PPP2R1B: variants seen among roughly 807,000 people sequenced by gnomAD.
The protein encoded by PPP2R1B is serine/threonine-protein phosphatase 2A 65 kDa regulatory subunit A beta isoform.
A neutral mutation model predicts 72.7 loss-of-function variants in PPP2R1B; 58 were observed. The observed-to-expected ratio is 0.80, with a 90% confidence interval of 0.65 to 0.99. The LOEUF (loss-of-function observed/expected upper bound fraction) is 0.99, where lower values mean the gene tolerates loss of function less well. Ranked by LOEUF, PPP2R1B falls within the 50% of genes least tolerant of loss-of-function variation. PPP2R1B has a pLI of 0.00. For missense variants in PPP2R1B, 695 were observed against 733.6 expected, an observed-to-expected ratio of 0.95 and a Z score of 0.61; for synonymous variants, 256 against 264.6, an observed-to-expected ratio of 0.97 and a Z score of 0.32.
chr11:111,756,127 G>A (rs1047808622), intron 5 of PPP2R1B, among the ~76,000 whole-genome samples: 4 of 151,668 alleles, frequency 2.6e-5, no homozygotes, highest in South Asian at 2.1e-4. Context: ...GGCGAATGGC[G>A]TGAACCCAGC....
the PPP2R1B span, chr11:111,703,482 C>G: frequency 2.7e-6 from 4 of 1,471,638 alleles, no homozygotes; most frequent in African/African-American, 2.8e-5. Context: ...ATTTCATGCT[C>G]ACACCTGTCA....
chr11:111,701,392 G>T, the PPP2R1B span: 1 of 1,569,844 alleles, frequency 6.4e-7, no homozygotes. The surrounding 1 kb of genome is among the most constrained non-coding windows in gnomAD (Gnocchi z 4.2). Flanking sequence ...GGATGTTCAG[G>T]AAAACAAAGA....
At chr11:111,754,060 G>A (rs1555048794) in intron 8 of PPP2R1B, among the ~76,000 whole-genome samples, 1 of 151,910 alleles carries the variant, frequency 6.6e-6, no homozygotes, top group Non-Finnish European at 1.5e-5. Flanking sequence ...GGTACTACAG[G>A]TGCATGCCAC....
the PPP2R1B span, among the ~76,000 whole-genome samples, chr11:111,706,071 A>G: frequency 6.6e-6 from 1 of 152,214 alleles, no homozygotes. Context: ...ACTTCCTGCT[A>G]TGTGACATTT....
chr11:111,744,136 T>G (rs1376678662), intron 11 of PPP2R1B, among the ~76,000 whole-genome samples: 1 of 152,114 alleles, frequency 6.6e-6, no homozygotes, highest in Non-Finnish European at 1.5e-5. Context: ...ACAATTAGGG[T>G]GGACCCAGAC....
chr11:111,731,619 C>T (rs1330830606), intron 15 of PPP2R1B, among the ~76,000 whole-genome samples: 1 of 152,234 alleles, frequency 6.6e-6, no homozygotes, highest in Admixed American at 6.5e-5. Flanking sequence ...AGAACATTGA[C>T]AGTTCCCTCC....
At chr11:111,743,883 G>A (rs924683947) in intron 11 of PPP2R1B, among the ~76,000 whole-genome samples, 5 of 152,228 alleles carry the variant, frequency 3.3e-5, no homozygotes, top group Non-Finnish European at 5.9e-5. Context: ...CATGGTGTAA[G>A]AGCAATTAGA....
chr11:111,746,430 C>G (rs1312529666), intron 11 of PPP2R1B, among the ~76,000 whole-genome samples: 1 of 152,014 alleles, frequency 6.6e-6, no homozygotes, highest in Non-Finnish European at 1.5e-5. Flanking sequence ...ACAATCAGAA[C>G]ACATGAATAC....
Position 111,759,789 on chromosome 11 carries a change from T to TA in PPP2R1B, c.687+14dup. On this transcript the variant is annotated intron_variant, in intron 5 of 14. Coordinates refer to ENST00000527614, the MANE Select transcript of PPP2R1B (RefSeq NM_002716.5). Reference sequence around the variant, plus strand: ...GAGCATATCTGTGTCCCTTAAATACTAAGAGTTAGTTTACCTGTTCATCTG... The same window carrying TA: ...GAGCATATCTGTGTCCCTTAAATACTAAAGAGTTAGTTTACCTGTTCATCTG... 1 of 1,602,652 alleles carries TA rather than the reference T, an allele frequency of 6.2e-7. No individual in the cohort carries two copies. Among genetic ancestry groups the TA allele is most frequent in the Non-Finnish European group, 8.5e-7 (1 of 1,172,360 alleles).
intron 11 of PPP2R1B, among the ~76,000 whole-genome samples, chr11:111,745,909 AG>A (rs1337528449): frequency 2.0e-5 from 3 of 152,216 alleles, no homozygotes; most frequent in Admixed American, 1.3e-4. Flanking sequence ...AAAGCAAAAA[AG>A]CTCCTGTGAT....
chr11:111,737,841 T>C (rs976111921), downstream of PPP2R1B: 22 of 1,267,000 alleles, frequency 1.7e-5, no homozygotes, highest in Non-Finnish European at 1.9e-5. Context: ...TCACTGATGG[T>C]CTCCAGAGCC....
At chr11:111,731,633 C>T (rs544832696) in intron 15 of PPP2R1B, among the ~76,000 whole-genome samples, 1 of 152,342 alleles carries the variant, frequency 6.6e-6, no homozygotes, top group South Asian at 2.1e-4. Context: ...TCCCTCCCTG[C>T]GGGGTGAGCC....
chr11:111,732,349 C>T lies in PPP2R1B; in HGVS notation c.1911+5099G>A, dbSNP rs192783723. On this transcript the variant is annotated intron_variant, in intron 15 of 15. Transcript: ENST00000311129. ...GTTCCTGGGCCCCCGAGGCCCCCCT[C>T]CCCACCAGGGACCAAAGTTAGGAAC... Among the ~76,000 whole-genome samples, 1,198 of 152,280 alleles carry T rather than the reference C, an allele frequency of 7.9e-3. 20 individuals carry two copies. The highest frequency in any genetic ancestry group is 0.028 in the African/African-American group (1,146 of 41,536).
chr11:111,735,390 A>C (rs1462771201), downstream of PPP2R1B: 3 of 152,244 alleles, frequency 2.0e-5, no homozygotes, highest in African/African-American at 4.8e-5. Context: ...ATCATGTGAC[A>C]GCTACTTGGT....
At chr11:111,757,827 C>T (rs1945179881) in intron 5 of PPP2R1B, among the ~76,000 whole-genome samples, 1 of 146,236 alleles carries the variant, frequency 6.8e-6, no homozygotes, top group Non-Finnish European at 1.5e-5. Context: ...AGGAGTGAAA[C>T]TCCATCTCAA....
chr11:111,689,658 T>C, the PPP2R1B span, among the ~76,000 whole-genome samples: 1 of 152,200 alleles, frequency 6.6e-6, no homozygotes, highest in Non-Finnish European at 1.5e-5. Context: ...CCTGTTAGGT[T>C]GGATACTCAT....
chr11:111,745,091 T>A (rs1173858779), intron 11 of PPP2R1B, among the ~76,000 whole-genome samples: 1 of 143,148 alleles, frequency 7.0e-6, no homozygotes, highest in Non-Finnish European at 1.5e-5. Context: ...TCACTCTGTC[T>A]CTCAGGCTGG....
the PPP2R1B span, chr11:111,703,555 T>C: frequency 1.4e-6 from 1 of 718,026 alleles, no homozygotes; most frequent in Non-Finnish European, 2.3e-6. Flanking sequence ...TCCCTATAGA[T>C]GACATCAGAC....
At chr11:111,713,889 C>T in the PPP2R1B span, among the ~76,000 whole-genome samples, 1 of 152,146 alleles carries the variant, frequency 6.6e-6, no homozygotes, top group Non-Finnish European at 1.5e-5. Flanking sequence ...ATTGCTTGAA[C>T]CCAGGAAGTG....
Sources: gnomAD v4.1 joint callset for allele counts (sites outside exome capture counted in the v4.1 genomes callset) on GRCh38, gnomAD v4.1.1 for gene constraint, Gnocchi (gnomAD v3.1) non-coding constraint, MANE v1.5 for transcripts, NCBI Gene and HGNC (gene_info 2026-07-23, HGNC 2026-07-21) for gene names.